Variants in RGS7 observed in about 807,000 individuals in gnomAD.
The protein encoded by RGS7 is regulator of G protein signaling 7, also known as regulator of G-protein signaling 7.
Under a neutral mutation model 81.1 loss-of-function variants are expected in RGS7, and 27 were observed. The ratio of observed to expected loss-of-function variants is 0.33; its 90% CI spans 0.25 to 0.46. RGS7 has a LOEUF of 0.46. Ranked by LOEUF, RGS7 falls within the 20% of genes least tolerant of loss-of-function variation. The pLI is 1.00. For synonymous variants in RGS7, 208 were observed against 207.7 expected, an observed-to-expected ratio of 1.00 and a Z score of -0.01; for missense variants, 396 against 607.4, an observed-to-expected ratio of 0.65 and a Z score of 3.66.
chr1:241,136,023 T>C (rs1421219250), intron 2 of RGS7, among the ~76,000 whole-genome samples: 1 of 151,960 alleles, frequency 6.6e-6, no homozygotes, highest in African/African-American at 2.4e-5. Flanking sequence ...TGAGAAAATT[T>C]GTTGACTGTG....
intron 3 of RGS7, among the ~76,000 whole-genome samples, chr1:241,095,442 G>A (rs1289920030): frequency 1.3e-5 from 2 of 152,102 alleles, no homozygotes. Context: ...AGGAATTTGA[G>A]ACTAGCCTAG....
intron 2 of RGS7, among the ~76,000 whole-genome samples, chr1:241,337,146 G>A (rs2082287576): frequency 6.6e-6 from 1 of 152,064 alleles, no homozygotes; most frequent in East Asian, 1.9e-4. Context: ...TCACCTTACT[G>A]GACTGTTAGG....
At chr1:241,255,051 T>C (rs1172635768) in intron 2 of RGS7, among the ~76,000 whole-genome samples, 2 of 152,196 alleles carry the variant, frequency 1.3e-5, no homozygotes, top group African/African-American at 2.4e-5. Flanking sequence ...CCTGAAGATA[T>C]ATAATCTCAG....
At chr1:240,864,673 G>A (rs1662898590) in intron 9 of RGS7, among the ~76,000 whole-genome samples, 1 of 152,218 alleles carries the variant, frequency 6.6e-6, no homozygotes, top group African/African-American at 2.4e-5. Flanking sequence ...GGTACTAAGA[G>A]AGAGGGGTCA....
chr1:241,004,493 G>A (rs567422144), intron 3 of RGS7, among the ~76,000 whole-genome samples: 2 of 152,068 alleles, frequency 1.3e-5, no homozygotes, highest in African/African-American at 4.8e-5. Flanking sequence ...CCCTCTGAAG[G>A]TTCATTGAAA....
chr1:241,224,814 T>C (rs1195812893), intron 2 of RGS7, among the ~76,000 whole-genome samples: 5 of 152,166 alleles, frequency 3.3e-5, no homozygotes, highest in Non-Finnish European at 5.9e-5. Flanking sequence ...CAAGCTTTTC[T>C]GAACAGGTCC....
chr1:240,989,422 G>A (rs1466202021), intron 3 of RGS7, among the ~76,000 whole-genome samples: 1 of 151,610 alleles, frequency 6.6e-6, no homozygotes, highest in Non-Finnish European at 1.5e-5. Flanking sequence ...GCGACAGAGT[G>A]AGACACTGTC....
At chr1:241,334,603 T>C (rs1280058861) in intron 2 of RGS7, among the ~76,000 whole-genome samples, 1 of 152,220 alleles carries the variant, frequency 6.6e-6, no homozygotes, top group Non-Finnish European at 1.5e-5. Flanking sequence ...GGGAAGGGAC[T>C]ATCCAGTAAA....
At position 240,879,321 on chromosome 1, in the gene RGS7, T is replaced by C. The variant is rs1356358028; in HGVS notation, c.386-9202A>G. Among the ~76,000 whole-genome samples the C allele has an allele frequency of 2.0e-5, 3 of 152,240 alleles. No individual in the cohort carries two copies. In the South Asian group the frequency reaches 6.2e-4, roughly 32 times the overall value. On this transcript the variant is annotated intron_variant, in intron 6 of 18. Coordinates refer to ENST00000440928, the MANE Select transcript of RGS7 (RefSeq NM_001364886.1). ...TTGACCAATATTGCAAGTTCAAATT[T>C]TATTTTCTACATGTATTTGCCTGGT...
rs189144881 is a variant in RGS7 at position 240,782,046 on chromosome 1, C to A, written c.*7-5833G>T. On this transcript the variant is annotated intron_variant, in intron 18 of 18. Transcript: ENST00000440928. ...AAAAAAAGAGATCTTAAGTGCAGCA[C>A]TGAGGTCAAAGCAGACAGCATGGAT... Among the ~76,000 whole-genome samples the A allele has an allele frequency of 5.3e-5, 8 of 151,982 alleles. No individual in the cohort carries two copies. In the East Asian group the frequency reaches 1.5e-3, roughly 29 times the overall value.
intron 4 of RGS7, among the ~76,000 whole-genome samples, chr1:240,944,825 T>C (rs1357334346): frequency 6.6e-6 from 1 of 152,232 alleles, no homozygotes. Flanking sequence ...GCGATTCTCC[T>C]GCCTCCGCCT....
intron 6 of RGS7, among the ~76,000 whole-genome samples, chr1:240,911,175 A>G (rs1261123112): frequency 6.6e-6 from 1 of 152,046 alleles, no homozygotes; most frequent in Non-Finnish European, 1.5e-5. Context: ...TCCATATTGA[A>G]CACCATACCA....
At chr1:241,136,185 A>G (rs769782978) in intron 2 of RGS7, among the ~76,000 whole-genome samples, 2 of 152,206 alleles carry the variant, frequency 1.3e-5, no homozygotes, top group Non-Finnish European at 2.9e-5. Flanking sequence ...TGGAGGAAAG[A>G]TAAGTTTTGT....
At chr1:241,015,089 T>C (rs1460505179) in intron 3 of RGS7, among the ~76,000 whole-genome samples, 1 of 152,212 alleles carries the variant, frequency 6.6e-6, no homozygotes, top group East Asian at 1.9e-4. Flanking sequence ...TCCCATTTCA[T>C]ATTCACAATT....
At chr1:241,283,786 G>T (rs532755890) in intron 2 of RGS7, among the ~76,000 whole-genome samples, 4 of 152,180 alleles carry the variant, frequency 2.6e-5, no homozygotes, top group African/African-American at 9.6e-5. Flanking sequence ...TAGTCCCACA[G>T]ATCTCTAAGT....
At chr1:240,890,214 G>C (rs1036747118) in intron 6 of RGS7, among the ~76,000 whole-genome samples, 1 of 152,112 alleles carries the variant, frequency 6.6e-6, no homozygotes, top group Non-Finnish European at 1.5e-5. Context: ...GGGCAGTGGC[G>C]CAATCTCGGC....
intron 2 of RGS7, among the ~76,000 whole-genome samples, chr1:241,287,864 G>T (rs2078904129): frequency 6.6e-6 from 1 of 152,104 alleles, no homozygotes; most frequent in Non-Finnish European, 1.5e-5. Flanking sequence ...AAATGCAGGG[G>T]CCATATTTTC....
intron 10 of RGS7, among the ~76,000 whole-genome samples, chr1:240,824,062 A>G (rs916242838): frequency 9.8e-5 from 15 of 152,292 alleles, no homozygotes; most frequent in Admixed American, 9.8e-4. Context: ...AATTAAAAAG[A>G]AAGACTTGAA....
At chr1:241,261,628 CAAAA>C (rs35082766) in intron 2 of RGS7, among the ~76,000 whole-genome samples, 1 of 61,764 alleles carries the variant, frequency 1.6e-5, no homozygotes. Context: ...GACTCTGTCT[CAAAA>C]AAAAAAAAAA....
Sources: gnomAD v4.1 joint callset for allele counts (sites outside exome capture counted in the v4.1 genomes callset) on GRCh38, gnomAD v4.1.1 for gene constraint, MANE v1.5 for transcripts, NCBI Gene and HGNC (gene_info 2026-07-23, HGNC 2026-07-21) for gene names.